The following C22orf31 variants were observed in gnomAD, a reference collection of about 807,000 sequenced individuals.
C22orf31 encodes uncharacterized protein C22orf31.
Under a neutral mutation model 15.0 loss-of-function variants are expected in C22orf31, and 11 were observed. That is an observed-to-expected ratio of 0.73 (90% CI 0.46 to 1.21). C22orf31 has a LOEUF of 1.21. C22orf31 is among the 50% of genes most tolerant of loss of function. The pLI is 0.00. For synonymous variants in C22orf31, 132 were observed against 133.3 expected, an observed-to-expected ratio of 0.99 and a Z score of 0.07; for missense variants, 340 against 347.2, an observed-to-expected ratio of 0.98 and a Z score of 0.17.
Position 29,058,819 on chromosome 22 carries a change from A to T in C22orf31, c.796T>A (p.Phe266Ile), listed in dbSNP as rs760529197. The change falls in exon 3 of 3, where the codon TTC (phenylalanine) becomes ATC (isoleucine). Residue 266 changes from phenylalanine (F) to isoleucine (I), a missense_variant. Physicochemically the swap from Phe to Ile is conservative, Grantham distance 21. Coordinates refer to ENST00000216071, the MANE Select transcript of C22orf31 (RefSeq NM_015370.2). ...AISEGAQRDR[F>I]PGRKQPGVHE... ...ACACCTGGCTGCTTCCTGCCAGGGA[A>T]CCGGTCCCTCTGAGCACCTTCAGAG... is the stretch of plus-strand genomic sequence containing the variant. 1.9e-6 allele frequency: 3 copies of T among 1,614,186 alleles called. No homozygotes were observed. Among genetic ancestry groups the T allele is most frequent in the Non-Finnish European group, 2.5e-6 (3 of 1,180,024 alleles).
upstream of C22orf31, among the ~76,000 whole-genome samples, chr22:29,065,446 G>A (rs1366258565): frequency 2.6e-5 from 4 of 152,028 alleles, no homozygotes. Context: ...AAAATCTAGT[G>A]TATGAGGCCA....
chr22:29,061,872 CTCTCT>C, upstream of C22orf31: 5 of 1,206,214 alleles, frequency 4.1e-6, no homozygotes, highest in Non-Finnish European at 4.7e-6. Context: ...TTTTCTCTCT[CTCTCT>C]TTTTTTTTGT....
At chr22:29,071,484 C>G in the C22orf31 span, among the ~76,000 whole-genome samples, 57 of 152,244 alleles carry the variant, frequency 3.7e-4, no homozygotes, top group South Asian at 5.4e-3. Context: ...GGCGAGTGTA[C>G]CCAAGGCGTG....
chr22:29,060,607 T>TACA lies in C22orf31; in HGVS notation c.237_239dup (p.Val80dup). 3 of 1,614,182 alleles carry TACA rather than the reference T, an allele frequency of 1.9e-6. No individual in the cohort carries two copies. Among genetic ancestry groups the TACA allele is most frequent in the Non-Finnish European group, 2.5e-6 (3 of 1,180,034 alleles). ...ACTTATTCTTCAGTTGCCGCCTGAG[T>TACA]ACAAGCTTAACCAGGGAGAAGGAAC... is the stretch of plus-strand genomic sequence containing the variant. On this transcript the variant is annotated inframe_insertion, in exon 2 of 3. Transcript: ENST00000216071.
At chr22:29,065,389 C>G (rs944694269), upstream of C22orf31, among the ~76,000 whole-genome samples, 1 of 150,804 alleles carries the variant, frequency 6.6e-6, no homozygotes, top group Non-Finnish European at 1.5e-5. Context: ...GCTTGGGCAA[C>G]AAAGCAAGAC....
upstream of C22orf31, among the ~76,000 whole-genome samples, chr22:29,063,496 C>T (rs2037409831): frequency 1.3e-5 from 2 of 152,198 alleles, no homozygotes; most frequent in Admixed American, 1.3e-4. Context: ...GAGCTGTTCA[C>T]ATGGGCAGCA....
the C22orf31 span, among the ~76,000 whole-genome samples, chr22:29,071,434 T>G: frequency 1.2e-3 from 96 of 81,112 alleles, no homozygotes; most frequent in African/African-American, 1.8e-3. Flanking sequence ...GCTCTGGGAG[T>G]GGATAAGGGG....
At chr22:29,068,412 CTTTTT>C in the C22orf31 span, among the ~76,000 whole-genome samples, 1 of 127,448 alleles carries the variant, frequency 7.8e-6, no homozygotes, top group African/African-American at 3.0e-5. Flanking sequence ...CTTTAAATTT[CTTTTT>C]TTTTTTTTTT....
upstream of C22orf31, among the ~76,000 whole-genome samples, chr22:29,065,803 G>A (rs924982039): frequency 2.0e-5 from 3 of 152,186 alleles, no homozygotes; most frequent in Admixed American, 6.5e-5. Context: ...CACTTGATCT[G>A]GGGAACTCGG....
chr22:29,069,943 C>CT, the C22orf31 span, among the ~76,000 whole-genome samples: 3,594 of 96,500 alleles, frequency 0.037, 198 homozygotes, highest in African/African-American at 0.11. Flanking sequence ...TCTTGAAATT[C>CT]TTTTTTTTTT....
chr22:29,067,982 G>T, the C22orf31 span, among the ~76,000 whole-genome samples: 1 of 152,094 alleles, frequency 6.6e-6, no homozygotes. Context: ...TCTGAGGTGA[G>T]AGGATTGCTG....
the C22orf31 span, chr22:29,073,309 C>A: frequency 2.2e-6 from 1 of 464,054 alleles, no homozygotes; most frequent in Non-Finnish European, 3.1e-6. This position sits in a 1 kb window ranked among gnomAD's most constrained non-coding sequence, Gnocchi z 4.4. Context: ...CTGAGAGCCC[C>A]CTCCCTCCCG....
the C22orf31 span, among the ~76,000 whole-genome samples, chr22:29,071,646 G>T: frequency 6.6e-6 from 1 of 152,288 alleles, no homozygotes; most frequent in Middle Eastern, 3.4e-3. Flanking sequence ...CCCGCCGGGC[G>T]TCACCGCTGC....
chr22:29,067,273 C>T, the C22orf31 span, among the ~76,000 whole-genome samples: 40 of 151,508 alleles, frequency 2.6e-4, no homozygotes, highest in African/African-American at 9.2e-4. Context: ...ATCTTGATTA[C>T]TGGATTTTTT....
At chr22:29,071,834 C>T in the C22orf31 span, among the ~76,000 whole-genome samples, 2 of 152,236 alleles carry the variant, frequency 1.3e-5, no homozygotes, top group African/African-American at 4.8e-5. Context: ...CGCGCGCTCT[C>T]TGATCCCTAA....
At chr22:29,062,725 G>A (rs1462811292), upstream of C22orf31, among the ~76,000 whole-genome samples, 3 of 152,092 alleles carry the variant, frequency 2.0e-5, no homozygotes, top group African/African-American at 7.2e-5. Flanking sequence ...ATCAGAGCCT[G>A]CAGGCGGACC....
chr22:29,060,428 C>G lies in C22orf31; in HGVS notation c.419G>C (p.Gly140Ala). ...KQPAGHRRPA[G>A]GIRESKESSK... ...GTCCTCGTCTACCTCTCTGATGCCT[C>G]CTGCAGGCCTCCTATGCCCTGCTGG... Residue 140 changes from glycine to alanine, a missense_variant, in exon 2 of 3, where the codon GGA (glycine) becomes GCA (alanine). Physicochemically the swap from Gly to Ala is moderately conservative, Grantham distance 60. Coordinates refer to ENST00000216071, the MANE Select transcript of C22orf31 (RefSeq NM_015370.2). The G allele has an allele frequency of 3.1e-6, 5 of 1,612,556 alleles. No individual in the cohort carries two copies. Among genetic ancestry groups the G allele is most frequent in the Non-Finnish European group, 4.2e-6 (5 of 1,179,610 alleles).
At chr22:29,073,295 C>A in the C22orf31 span, 2 of 639,782 alleles carry the variant, frequency 3.1e-6, no homozygotes, top group East Asian at 4.9e-5. This position sits in a 1 kb window ranked among gnomAD's most constrained non-coding sequence, Gnocchi z 4.4. Context: ...AAGGGCCGGC[C>A]GGCCTGAGAG....
the C22orf31 span, chr22:29,073,293 G>A: frequency 3.0e-6 from 2 of 668,588 alleles, no homozygotes; most frequent in Non-Finnish European, 4.0e-6. The surrounding 1 kb of genome is among the most constrained non-coding windows in gnomAD (Gnocchi z 4.4). Context: ...ACAAGGGCCG[G>A]CCGGCCTGAG....
Sources: gnomAD v4.1 joint callset for allele counts (sites outside exome capture counted in the v4.1 genomes callset) on GRCh38, gnomAD v4.1.1 for gene constraint, Gnocchi (gnomAD v3.1) non-coding constraint, MANE v1.5 for transcripts, NCBI Gene and HGNC (gene_info 2026-07-23, HGNC 2026-07-21) for gene names.